SLC25A43: variants seen among roughly 807,000 people sequenced by gnomAD.
SLC25A43 encodes the protein solute carrier family 25, member 43.
A neutral mutation model predicts 22.8 loss-of-function variants in SLC25A43; 10 were observed. The observed-to-expected ratio is 0.44, with a 90% CI of 0.27 to 0.74. The LOEUF is 0.74. SLC25A43 is among the 30% of genes least tolerant of loss of function. The pLI is 0.17. For synonymous variants in SLC25A43, 106 were observed against 121.6 expected (o/e 0.87, Z 0.84); for missense variants, 233 against 279.1 (o/e 0.83, Z 1.18).
chrX:119,416,510 T>A (rs2052403355), intron 3 of SLC25A43, among the ~76,000 whole-genome samples: 1 of 112,404 alleles, frequency 8.9e-6, no homozygotes, highest in Admixed American at 9.4e-5. Context: ...TGAGCCACCG[T>A]CCCCGGCCAA....
intron 1 of SLC25A43, among the ~76,000 whole-genome samples, chrX:119,400,923 C>T (rs761627815): frequency 9.0e-6 from 1 of 111,378 alleles, no homozygotes; most frequent in Non-Finnish European, 1.9e-5. Context: ...TCAGTTTCTC[C>T]CCCACTTCAC....
intron 3 of SLC25A43, among the ~76,000 whole-genome samples, chrX:119,442,686 C>G (rs974376273): frequency 2.7e-5 from 3 of 112,217 alleles, no homozygotes; most frequent in African/African-American, 9.7e-5. Flanking sequence ...CTGAAGACCC[C>G]TAGCCATTTT....
chrX:119,423,632 G>A (rs1443336659), intron 3 of SLC25A43: 4 of 111,725 alleles, frequency 3.6e-5, no homozygotes, highest in African/African-American at 1.3e-4. Context: ...GTAAATCTAT[G>A]CTGTACTTTG....
At chrX:119,427,429 T>C (rs902408759) in intron 3 of SLC25A43, among the ~76,000 whole-genome samples, 1 of 112,207 alleles carries the variant, frequency 8.9e-6, no homozygotes, top group African/African-American at 3.2e-5. Context: ...AAGGGGAGCT[T>C]GTAGGCTTGC....
At chrX:119,445,093 A>C (rs2147295910) in intron 3 of SLC25A43, among the ~76,000 whole-genome samples, 1 of 107,836 alleles carries the variant, frequency 9.3e-6, no homozygotes, top group Admixed American at 1.0e-4. Flanking sequence ...AAAAATAGCT[A>C]ATGAGTAGAA....
In SLC25A43 at chrX:119,454,039, C is replaced by T. The variant is rs1208849182; in HGVS notation, c.*974C>T. The T allele has an allele frequency of 8.9e-6, 1 of 112,031 alleles. No homozygotes were observed. Among genetic ancestry groups the T allele is most frequent in the Non-Finnish European group, 1.9e-5 (1 of 53,142 alleles). The allele number at this position is 112,031 out of a possible 1,213,427, so 9.2% of individuals were successfully genotyped here. On this transcript the variant is annotated 3_prime_UTR_variant, in exon 5 of 5. Coordinates refer to ENST00000217909, the MANE Select transcript of SLC25A43 (RefSeq NM_145305.3). The stretch of plus-strand genomic sequence containing the variant: ...TTATACCATGACTGCTTAATTATCC[C>T]CCCAAAGACCTTCTGATTGAAGTCA...
At chrX:119,450,743 C>G (rs1241685360) in intron 3 of SLC25A43, among the ~76,000 whole-genome samples, 1 of 100,194 alleles carries the variant, frequency 1.0e-5, no homozygotes, top group East Asian at 2.9e-4. Flanking sequence ...ATAGCTTAAT[C>G]TAAACTCAAC....
In SLC25A43 at chrX:119,444,549, C is replaced by CA. The variant is rs199816818; in HGVS notation, c.691-7453dup. On this transcript the variant is annotated intron_variant, in intron 3 of 4. Coordinates refer to ENST00000217909, the MANE Select transcript of SLC25A43 (RefSeq NM_145305.3). ...TGAAACCCCATCTCTACTAAAAATA[C>CA]AAAAAAAGCCAGGCATGGTGGCAGG... Among the ~76,000 whole-genome samples the CA allele has an allele frequency of 8.5e-3, 922 of 107,837 alleles. 15 individuals are homozygous for CA. The highest frequency in any genetic ancestry group is 0.028 in the African/African-American group (829 of 29,552). The allele number at this position is 107,837 out of a possible 115,157, so 93.6% of individuals were successfully genotyped here. A position where few individuals can be genotyped will look rare whatever the true frequency, so the allele number is the denominator to read the frequency against.
rs748821003 is a variant in SLC25A43, at chrX:119,443,432, T to TTC, written c.691-8561_691-8560dup. Among the ~76,000 whole-genome samples the TTC allele has an allele frequency of 2.5e-3, 239 of 94,898 alleles. 4 individuals are homozygous for TTC. In the East Asian group the frequency reaches 0.043, roughly 17 times the overall value. 82.4% of individuals were successfully genotyped at this position (94,898 alleles called of 115,157 possible). On this transcript the variant is annotated intron_variant, in intron 3 of 4. Transcript: ENST00000217909. ...CACCGCGCCCAGCCCCCATTCTCTA[T>TTC]TCTCTCTCTCTCTCTCTTTTTTTTT...
intron 3 of SLC25A43, among the ~76,000 whole-genome samples, chrX:119,420,343 G>T (rs1321541761): frequency 1.9e-5 from 2 of 105,956 alleles, no homozygotes; most frequent in African/African-American, 7.0e-5. Context: ...TCTCTCCCAG[G>T]CTGGAGTGCA....
In SLC25A43 at chrX:119,429,533, A is replaced by G. The variant is rs1052412720; in HGVS notation, c.690+19171A>G. On this transcript the variant is annotated intron_variant, in intron 3 of 4. Transcript: ENST00000217909. ...GCAAGTTTGTTATTTCTTTCCTTCA[A>G]TATGTATTAAACACCTCGACCTCTA... is the stretch of plus-strand genomic sequence containing the variant. 6.2e-4 allele frequency among the ~76,000 whole-genome samples: 17 copies of G among 27,357 alleles called. 1 individual carries two copies. In the Admixed American group the frequency reaches 8.0e-3, roughly 13 times the overall value. The allele number at this position is 27,357 out of a possible 115,157, so 23.8% of individuals were successfully genotyped here.
chrX:119,426,659 A>G (rs758597227), intron 3 of SLC25A43, among the ~76,000 whole-genome samples: 1 of 110,699 alleles, frequency 9.0e-6, no homozygotes, highest in Non-Finnish European at 1.9e-5. Context: ...CCCGTCTCTA[A>G]TAAAAATTAA....
At chrX:119,429,848 A>C (rs1441340011) in intron 3 of SLC25A43, among the ~76,000 whole-genome samples, 1 of 111,974 alleles carries the variant, frequency 8.9e-6, no homozygotes, top group African/African-American at 3.2e-5. Flanking sequence ...GGCCGAGGAA[A>C]TGGCAGGTTT....
intron 3 of SLC25A43, chrX:119,423,509 A>G (rs2052473598): frequency 9.6e-6 from 1 of 104,246 alleles, no homozygotes; most frequent in Non-Finnish European, 2.0e-5. Context: ...AGACTGGGCA[A>G]CAGAGCAAGA....
At chrX:119,401,958 G>T (rs1481577670) in intron 1 of SLC25A43, among the ~76,000 whole-genome samples, 1 of 111,022 alleles carries the variant, frequency 9.0e-6, no homozygotes, top group Non-Finnish European at 1.9e-5. Flanking sequence ...GGCTAGGTTT[G>T]CTAGGAATTT....
At chrX:119,416,968 T>G in intron 3 of SLC25A43, among the ~76,000 whole-genome samples, 1 of 112,254 alleles carries the variant, frequency 8.9e-6, no homozygotes, top group South Asian at 3.7e-4. Context: ...TTAAAAATCC[T>G]GGTCCTAAGA....
intron 3 of SLC25A43, among the ~76,000 whole-genome samples, chrX:119,428,760 G>T (rs901155944): frequency 8.9e-6 from 1 of 111,946 alleles, no homozygotes; most frequent in Non-Finnish European, 1.9e-5. Flanking sequence ...AGTGGCCAGC[G>T]AGTGAGCATT....
intron 3 of SLC25A43, among the ~76,000 whole-genome samples, chrX:119,410,747 G>A (rs1054046380): frequency 3.6e-5 from 4 of 110,836 alleles, no homozygotes; most frequent in African/African-American, 1.3e-4. Flanking sequence ...AAATTAGCTG[G>A]GCGTGGTGGC....
chrX:119,423,539 A>AG (rs896112910), intron 3 of SLC25A43: 3 of 59,157 alleles, frequency 5.1e-5, no homozygotes, highest in African/African-American at 8.4e-5. Context: ...AAAAAAAAAA[A>AG]AAAGAAAAGA....
Sources: allele counts gnomAD v4.1 joint callset (sites outside exome capture counted in the v4.1 genomes callset), GRCh38; gene constraint gnomAD v4.1.1; transcripts MANE v1.5; gene names NCBI Gene and HGNC (gene_info 2026-07-23, HGNC 2026-07-21).